Variants in PPP2R5C observed in about 807,000 individuals in gnomAD.
PPP2R5C encodes protein phosphatase 2 regulatory subunit B'gamma, also known as serine/threonine-protein phosphatase 2A 56 kDa regulatory subunit gamma isoform.
PPP2R5C carries 7 observed loss-of-function variants against 68.9 expected under a neutral mutation model. That is an observed-to-expected ratio of 0.10 (90% CI 0.06 to 0.19). The LOEUF (loss-of-function observed/expected upper bound fraction) is 0.19. PPP2R5C is among the 10% of genes least tolerant of loss of function. The probability of loss-of-function intolerance (pLI) is 1.00; values close to 1 mark genes in which losing one functional copy is unlikely to be tolerated. For synonymous variants in PPP2R5C, 210 were observed against 222.2 expected (o/e 0.95, Z 0.49); for missense variants, 348 against 641.3 (o/e 0.54, Z 4.94).
At chr14:101,803,031 G>A (rs372072550) in intron 3 of PPP2R5C, among the ~76,000 whole-genome samples, 2 of 150,036 alleles carry the variant, frequency 1.3e-5, no homozygotes, top group African/African-American at 4.9e-5. Flanking sequence ...CCCGGACAAC[G>A]TGGTGAAACT....
intron 8 of PPP2R5C, among the ~76,000 whole-genome samples, chr14:101,897,719 C>T (rs972310024): frequency 2.6e-5 from 4 of 151,914 alleles, no homozygotes; most frequent in Non-Finnish European, 5.9e-5. Context: ...GCAACACCCT[C>T]ACAGGCACAC....
chr14:101,802,304 C>T (rs1056182075), intron 3 of PPP2R5C, among the ~76,000 whole-genome samples: 9 of 151,920 alleles, frequency 5.9e-5, no homozygotes, highest in South Asian at 2.1e-4. Context: ...ACCAGCCACT[C>T]GGGAGGCTGA....
At chr14:101,856,235 C>T (rs1310391136) in intron 1 of PPP2R5C, among the ~76,000 whole-genome samples, 1 of 152,172 alleles carries the variant, frequency 6.6e-6, no homozygotes, top group Non-Finnish European at 1.5e-5. Context: ...AGGAGGCATC[C>T]TTCCCCCTCT....
chr14:101,911,327 TAAAAG>T (rs2046379315), intron 11 of PPP2R5C, among the ~76,000 whole-genome samples: 1 of 151,444 alleles, frequency 6.6e-6, no homozygotes, highest in Non-Finnish European at 1.5e-5. Context: ...TGTGGGGAAA[TAAAAG>T]AACACAAAAT....
At chr14:101,905,717 G>A (rs562428019) in intron 9 of PPP2R5C, among the ~76,000 whole-genome samples, 4 of 151,000 alleles carry the variant, frequency 2.6e-5, no homozygotes, top group Non-Finnish European at 4.4e-5. Flanking sequence ...CCGTGAGTAA[G>A]CGCCAGTGCA....
intron 3 of PPP2R5C, among the ~76,000 whole-genome samples, chr14:101,792,644 A>T (rs2038412193): frequency 6.6e-6 from 1 of 152,176 alleles, no homozygotes; most frequent in African/African-American, 2.4e-5. Context: ...GTGGACTAAT[A>T]TATTGTTGAT....
chr14:101,790,159 A>G (rs185740271), intron 3 of PPP2R5C, among the ~76,000 whole-genome samples: 63 of 152,294 alleles, frequency 4.1e-4, no homozygotes, highest in Middle Eastern at 3.4e-3. Context: ...TTAATAATAA[A>G]AGAATTTAAA....
At position 101,836,113 on chromosome 14, in the gene PPP2R5C, A is replaced by C. The variant is rs374937234; in HGVS notation, c.95-20573A>C. The C allele has an allele frequency of 9.7e-5, 64 of 662,168 alleles. No homozygotes were observed. In the African/African-American group the frequency reaches 1.0e-3, roughly 11 times the overall value. 41.0% of individuals were successfully genotyped at this position (662,168 alleles called of 1,614,324 possible). A position where few individuals can be genotyped will look rare whatever the true frequency, so the allele number is the denominator to read the frequency against. ...TAAGGAAATTCCTCAATCCACAAGC[A>C]ACAATAAATAAGAAACTGAGATTTC... On this transcript the variant is annotated intron_variant, in intron 1 of 13. Coordinates refer to ENST00000334743, the Ensembl canonical transcript of PPP2R5C.
chr14:101,764,439 G>A (rs563634900), intron 2 of PPP2R5C, among the ~76,000 whole-genome samples: 2 of 152,188 alleles, frequency 1.3e-5, no homozygotes, highest in East Asian at 3.8e-4. Context: ...AATGAGTTCA[G>A]TTCTGTCTGG....
chr14:101,789,827 A>G (rs982617577), intron 3 of PPP2R5C: 1 of 152,000 alleles, frequency 6.6e-6, no homozygotes, highest in South Asian at 2.1e-4. Flanking sequence ...TGTCCATGAA[A>G]TAGGGTTGAA....
exon 14 of PPP2R5C, chr14:101,927,427 C>T (rs2047325746): frequency 6.6e-6 from 1 of 152,640 alleles, no homozygotes; most frequent in Admixed American, 6.5e-5. Context: ...TAATTGTCAG[C>T]TTACATATCA....
intron 1 of PPP2R5C, among the ~76,000 whole-genome samples, chr14:101,848,326 T>C (rs1595366608): frequency 6.6e-6 from 1 of 151,704 alleles, no homozygotes; most frequent in African/African-American, 2.4e-5. Flanking sequence ...AGGTCAGGGG[T>C]TCGAGACCAG....
chr14:101,917,435 C>T lies in PPP2R5C; in HGVS notation c.1327-396C>T, dbSNP rs990779788. 6.6e-6 allele frequency among the ~76,000 whole-genome samples: 1 copy of T among 152,196 alleles called. No individual in the cohort carries two copies. Among genetic ancestry groups the T allele is most frequent in the African/African-American group, 2.4e-5 (1 of 41,516 alleles). On this transcript the variant is annotated intron_variant, in intron 12 of 13. Transcript: ENST00000334743. This position sits in a 1 kb window ranked among gnomAD's most constrained non-coding sequence, Gnocchi z 4.4. Reference sequence around the variant, plus strand: ...GGAAAAGAATCATGAGGTTGGAGGTCGCTGGCAAAGAATGGGCGGCCAGAG... The same window carrying T: ...GGAAAAGAATCATGAGGTTGGAGGTTGCTGGCAAAGAATGGGCGGCCAGAG...
At chr14:101,836,394 C>T (rs965876060) in intron 1 of PPP2R5C, 1 of 702,040 alleles carries the variant, frequency 1.4e-6, no homozygotes. Context: ...ACCTGCCAAC[C>T]TTAGCCTAAA....
intron 7 of PPP2R5C, among the ~76,000 whole-genome samples, chr14:101,893,681 C>T (rs763965732): frequency 1.2e-4 from 19 of 152,132 alleles, no homozygotes; most frequent in South Asian, 2.1e-4. Context: ...ACCCGGGAGG[C>T]GGAGGTTGCA....
intron 5 of PPP2R5C, 89 bp downstream of exon 7, chr14:101,883,651 A>G (rs1231479894): frequency 2.0e-6 from 3 of 1,480,306 alleles, no homozygotes; most frequent in Non-Finnish European, 2.8e-6. Context: ...CTCCTCTGAC[A>G]GGACTCAGCA....
chr14:101,814,767 A>G (rs776914433), intron 1 of PPP2R5C, among the ~76,000 whole-genome samples: 6 of 152,358 alleles, frequency 3.9e-5, no homozygotes, highest in Non-Finnish European at 5.9e-5. Context: ...TTTGGGATAC[A>G]TCCTAACTTT....
chr14:101,770,809 GA>G lies in PPP2R5C; in HGVS notation c.93+7842del, dbSNP rs1460339654. On this transcript the variant is annotated intron_variant, in intron 2 of 14. Coordinates refer to the PPP2R5C transcript ENST00000328724. Reference sequence around the variant, plus strand: ...CTTATAGCCCTGCCATGTGATGGTGGAAAGGTTTCCACCTGCATCCTTAGCG... The same window carrying G: ...CTTATAGCCCTGCCATGTGATGGTGGAAGGTTTCCACCTGCATCCTTAGCG... 5.9e-5 allele frequency among the ~76,000 whole-genome samples: 9 copies of G among 152,380 alleles called. No homozygotes were observed. In the East Asian group the frequency reaches 1.5e-3, roughly 26 times the overall value.
intron 2 of PPP2R5C, among the ~76,000 whole-genome samples, chr14:101,776,401 A>T (rs942563597): frequency 6.6e-6 from 1 of 151,932 alleles, no homozygotes; most frequent in Non-Finnish European, 1.5e-5. Flanking sequence ...TTTTACTGCG[A>T]TTTCTTATCA....
Sources: gnomAD v4.1 joint callset for allele counts (sites outside exome capture counted in the v4.1 genomes callset) on GRCh38, gnomAD v4.1.1 for gene constraint, Gnocchi (gnomAD v3.1) non-coding constraint, MANE v1.5 for transcripts, NCBI Gene and HGNC (gene_info 2026-07-23, HGNC 2026-07-21) for gene names.